OTC: variants seen among roughly 807,000 people sequenced by gnomAD.
The protein encoded by OTC is ornithine transcarbamylase, also known as ornithine transcarbamylase, mitochondrial.
In OTC, 3 loss-of-function variants were observed where a neutral mutation model predicts 30.3. The ratio of observed to expected loss-of-function variants is 0.10; its 90% CI spans 0.05 to 0.26. The LOEUF is 0.26. OTC is among the 10% of genes least tolerant of loss of function. OTC has a pLI of 1.00. For synonymous variants in OTC, 111 were observed against 99.7 expected (o/e 1.11, Z -0.67); for missense variants, 194 against 260.3 (o/e 0.75, Z 1.75).
the OTC span, among the ~76,000 whole-genome samples, chrX:38,328,708 G>A: frequency 8.9e-6 from 1 of 111,902 alleles, no homozygotes; most frequent in Non-Finnish European, 1.9e-5. Context: ...TAGAACAACA[G>A]GACAGGATCA....
Position 38,352,695 on chromosome X carries a change from A to T in OTC, c.-2A>T. ...AATCGTCCTTTACACAATTAAAAGA[A>T]GATGCTGTTTAATCTGAGGATCCTG... is the stretch of plus-strand genomic sequence containing the variant. On this transcript the variant is annotated 5_prime_UTR_variant, in exon 1 of 10. In the 5' UTR this introduces an upstream ATG that the reference lacks. Coordinates refer to ENST00000039007, the MANE Select transcript of OTC (RefSeq NM_000531.6). 8.4e-7 allele frequency: 1 copy of T among 1,192,987 alleles called. No homozygotes were observed. The highest frequency in any genetic ancestry group is 1.7e-5 in the African/African-American group (1 of 57,563).
chrX:38,405,135 G>T (rs947551813), intron 6 of OTC, among the ~76,000 whole-genome samples: 1 of 110,889 alleles, frequency 9.0e-6, no homozygotes, highest in Non-Finnish European at 1.9e-5. Flanking sequence ...CATGAAAAGG[G>T]ATCCCCCGGG....
At chrX:38,368,312 A>G (rs926499402) in intron 2 of OTC, among the ~76,000 whole-genome samples, 12 of 111,669 alleles carry the variant, frequency 1.1e-4, no homozygotes, top group Non-Finnish European at 7.5e-5. Flanking sequence ...GTGAGCCAAG[A>G]TCGTGCCATT....
rs779154479 is a variant in OTC at position 38,381,350 on chromosome X, C to G, written c.307C>G (p.Leu103Val). 33 of 1,182,927 alleles carry G rather than the reference C, an allele frequency of 2.8e-5. No individual in the cohort carries two copies. Among genetic ancestry groups the G allele is most frequent in the Non-Finnish European group, 3.6e-5 (31 of 872,686 alleles). ...TTTTTTTTTTATTGTAGGCTTTGCA[C>G]TTCTGGGAGGACATCCTTGTTTTCT... ...TRLSTETGFALLGGHPCFLTT... is the reference protein window; with the variant it reads ...TRLSTETGFAVLGGHPCFLTT... The change falls in exon 4 of 10, where the codon CTT becomes GTT. Residue 103 changes from leucine (L) to valine (V), a missense_variant. By Grantham distance (32) the Leu-to-Val change is conservative (BLOSUM62 1). Transcript: ENST00000039007.
chrX:38,374,968 T>A (rs1293240514), intron 3 of OTC, among the ~76,000 whole-genome samples: 1 of 112,542 alleles, frequency 8.9e-6, no homozygotes, highest in African/African-American at 3.2e-5. Flanking sequence ...AAATTTCTCT[T>A]CTTTCTGTTA....
chrX:38,375,521 A>T (rs1031600138), intron 3 of OTC, among the ~76,000 whole-genome samples: 3 of 111,441 alleles, frequency 2.7e-5, no homozygotes, highest in Non-Finnish European at 5.6e-5. Flanking sequence ...TAAGAGTAAC[A>T]GATCCTAGGT....
the OTC span, among the ~76,000 whole-genome samples, chrX:38,334,798 A>C: frequency 9.0e-6 from 1 of 111,505 alleles, no homozygotes; most frequent in Non-Finnish European, 1.9e-5. Flanking sequence ...GCAGACCTCT[A>C]CCGGTCTGGT....
the OTC span, among the ~76,000 whole-genome samples, chrX:38,329,204 C>A: frequency 2.7e-5 from 3 of 111,460 alleles, no homozygotes; most frequent in East Asian, 5.6e-4. Flanking sequence ...AGGGGGGCAC[C>A]ATTTACTGAG....
At chrX:38,401,699 A>G (rs1198103669) in intron 5 of OTC, among the ~76,000 whole-genome samples, 1 of 111,610 alleles carries the variant, frequency 9.0e-6, no homozygotes, top group Non-Finnish European at 1.9e-5. Flanking sequence ...TTTCGGTGCC[A>G]TATTTAACAC....
At chrX:38,377,487 A>T (rs1241315687) in intron 3 of OTC, among the ~76,000 whole-genome samples, 1 of 111,309 alleles carries the variant, frequency 9.0e-6, no homozygotes, top group African/African-American at 3.3e-5. Flanking sequence ...CAAAACAGAG[A>T]CTAAAAAAAA....
intron 9 of OTC, among the ~76,000 whole-genome samples, chrX:38,414,747 G>A (rs1184237928): frequency 1.8e-5 from 2 of 112,067 alleles, no homozygotes; most frequent in African/African-American, 3.2e-5. Context: ...CCTATGGTGT[G>A]AGACAGAAAG....
At chrX:38,401,524 T>G (rs1357405569) in intron 5 of OTC, 96 bp downstream of exon 5, 4 of 687,186 alleles carry the variant, frequency 5.8e-6, no homozygotes, top group Non-Finnish European at 9.3e-6. Context: ...TATTGGTGTT[T>G]TATTTTCAAA....
chrX:38,368,783 T>C (rs1472090529), intron 2 of OTC, among the ~76,000 whole-genome samples: 1 of 100,998 alleles, frequency 9.9e-6, no homozygotes, highest in East Asian at 3.1e-4. Context: ...CTGCTATGGG[T>C]TGATGTTCCT....
chrX:38,400,545 G>A (rs1304083034), intron 4 of OTC, among the ~76,000 whole-genome samples: 1 of 111,425 alleles, frequency 9.0e-6, no homozygotes, highest in Non-Finnish European at 1.9e-5. Context: ...TGACCCCTGT[G>A]GGAAAGAAGG....
At chrX:38,357,500 A>G (rs1028211323) in intron 1 of OTC, among the ~76,000 whole-genome samples, 3 of 112,928 alleles carry the variant, frequency 2.7e-5, no homozygotes, top group Non-Finnish European at 5.6e-5. Context: ...CAAATTGTCC[A>G]TGGGGATCAG....
At chrX:38,395,596 G>GCACACAA (rs2068452079) in intron 4 of OTC, 1 of 144,897 alleles carries the variant, frequency 6.9e-6, no homozygotes, top group Admixed American at 6.9e-5. Context: ...AGTTCTCTCT[G>GCACACAA]CACACAACAT....
At chrX:38,334,960 G>A in the OTC span, among the ~76,000 whole-genome samples, 1 of 111,891 alleles carries the variant, frequency 8.9e-6, no homozygotes, top group Non-Finnish European at 1.9e-5. Flanking sequence ...AGGGATCTGG[G>A]TTGCCCGTTC....
intron 5 of OTC, 31 bp downstream of exon 5, chrX:38,401,459 CA>C: frequency 8.9e-7 from 1 of 1,124,983 alleles, no homozygotes; most frequent in Non-Finnish European, 1.2e-6. Flanking sequence ...TACAAAAGAG[CA>C]AAATCAAATA....
chrX:38,381,466 A>G, intron 4 of OTC, 37 bp downstream of exon 4: 1 of 876,494 alleles, frequency 1.1e-6, no homozygotes, highest in Non-Finnish European at 1.7e-6. Context: ...AGCTGATTTC[A>G]GAATCTGATG....
Sources: gnomAD v4.1 joint callset for allele counts (sites outside exome capture counted in the v4.1 genomes callset) on GRCh38, gnomAD v4.1.1 for gene constraint, MANE v1.5 for transcripts, NCBI Gene and HGNC (gene_info 2026-07-23, HGNC 2026-07-21) for gene names.